The following DEPDC7 variants were observed in gnomAD, a reference collection of about 807,000 sequenced individuals.
DEPDC7 encodes DEP domain-containing protein 7.
A neutral mutation model predicts 56.6 loss-of-function variants in DEPDC7; 41 were observed. That is an observed-to-expected ratio of 0.72 (90% CI 0.56 to 0.94). The LOEUF (loss-of-function observed/expected upper bound fraction) is 0.94. DEPDC7 is among the 40% of genes least tolerant of loss of function. The pLI is 0.00. For missense variants in DEPDC7, 522 were observed against 596.3 expected (o/e 0.88, Z 1.30); for synonymous variants, 185 against 208.8 (o/e 0.89, Z 0.98).
intron 6 of DEPDC7, 38 bp downstream of exon 6, chr11:33,032,516 C>G: frequency 6.7e-7 from 1 of 1,503,270 alleles, no homozygotes; most frequent in South Asian, 1.3e-5. Context: ...TATTTAATAT[C>G]CTTAATACTT....
chr11:33,031,602 T>C lies in DEPDC7; in HGVS notation c.994+13T>C, dbSNP rs972439729. ...GCAGAACTCTTAGGTAAGTAAGATC[T>C]AACTGGATACTAGCATTTATCTTTT... On this transcript the variant is annotated intron_variant, in intron 5 of 8. Transcript: ENST00000241051. 10 of 1,590,992 alleles carry C rather than the reference T, an allele frequency of 6.3e-6. No homozygotes were observed. In the East Asian group the frequency reaches 1.6e-4, roughly 25 times the overall value.
In DEPDC7 at chr11:33,032,736, A is replaced by G; in HGVS notation, c.1206A>G (p.Lys402=). 1 of 1,608,728 alleles carries G rather than the reference A, an allele frequency of 6.2e-7. No homozygotes were observed. The highest frequency in any genetic ancestry group is 8.5e-7 in the Non-Finnish European group (1 of 1,177,994). ...KAIVDNKNLS[K]GKTDLLVLFL... ...TTGTTGACAATAAAAATTTATCCAAAGGCAAAACAGATCTTCTGGTACTCT... is the reference window on the plus strand; with the variant it reads ...TTGTTGACAATAAAAATTTATCCAAGGGCAAAACAGATCTTCTGGTACTCT... Residue 402 remains lysine (K), a synonymous_variant, in exon 7 of 9, where the codon AAA becomes AAG. Coordinates refer to ENST00000241051, the MANE Select transcript of DEPDC7 (RefSeq NM_001077242.2).
At chr11:33,031,688 G>A (rs1853635069) in intron 5 of DEPDC7, 99 bp downstream of exon 5, 4 of 915,700 alleles carry the variant, frequency 4.4e-6, no homozygotes, top group Admixed American at 2.3e-5. Flanking sequence ...TACAAGCTGG[G>A]AGTGGATCTG....
chr11:33,016,505 A>C (rs371138729), intron 1 of DEPDC7: 1 of 1,613,548 alleles, frequency 6.2e-7, no homozygotes, highest in African/African-American at 1.3e-5. Context: ...AGGAGTCAAG[A>C]GTCAGCTTGT....
At chr11:33,031,306 T>C in intron 4 of DEPDC7, 72 bp from the exon 5 acceptor site, 1 of 1,112,036 alleles carries the variant, frequency 9.0e-7, no homozygotes, top group South Asian at 1.3e-5. Flanking sequence ...GTACCATGTG[T>C]ATATTTGTTA....
intron 1 of DEPDC7, among the ~76,000 whole-genome samples, chr11:33,024,351 A>G (rs1853552825): frequency 1.3e-5 from 2 of 152,370 alleles, no homozygotes; most frequent in South Asian, 4.1e-4. Context: ...CGCGCATACA[A>G]AGTATTTAAC....
At chr11:33,023,785 T>C (rs913873950) in intron 1 of DEPDC7, among the ~76,000 whole-genome samples, 2 of 152,230 alleles carry the variant, frequency 1.3e-5, no homozygotes, top group Admixed American at 6.5e-5. Flanking sequence ...GCTTATCTTA[T>C]GCTTTCTTCA....
In DEPDC7 at chr11:33,033,398, G is replaced by T. The variant is rs367948856; in HGVS notation, c.1479G>T (p.Leu493Phe). 116 of 1,610,452 alleles carry T rather than the reference G, an allele frequency of 7.2e-5. No individual in the cohort carries two copies. Among genetic ancestry groups the T allele is most frequent in the Non-Finnish European group, 9.2e-5 (108 of 1,178,968 alleles). ...TTTCTGCCAAAGAGAAGAAAAAATTGCTAGGTCAATTCTATAAGTGTCACC... is the reference window on the plus strand; with the variant it reads ...TTTCTGCCAAAGAGAAGAAAAAATTTCTAGGTCAATTCTATAAGTGTCACC... ...SKLSAKEKKK[L>F]LGQFYKCHPD... Residue 493 changes from leucine (L) to phenylalanine (F), a missense_variant, in exon 9 of 9, where the codon TTG becomes TTT. By Grantham distance (22) the Leu-to-Phe change is conservative (BLOSUM62 0). Transcript: ENST00000241051.
At position 33,016,520 on chromosome 11, in the gene DEPDC7, C is replaced by G. The variant is rs780399175; in HGVS notation, c.73+492C>G. 1.9e-6 allele frequency: 3 copies of G among 1,614,000 alleles called. No homozygotes were observed. In the South Asian group the frequency reaches 3.3e-5, roughly 18 times the overall value. ...AGGAGTCAAGAGTCAGCTTGTCTCC[C>G]CAGACTCTTCCTGGGAGGGATGAGA... is the stretch of plus-strand genomic sequence containing the variant. On this transcript the variant is annotated intron_variant, in intron 1 of 8. Transcript: ENST00000241051.
intron 6 of DEPDC7, 22 bp downstream of exon 6, chr11:33,032,500 T>C (rs1021301030): frequency 2.6e-6 from 4 of 1,541,306 alleles, no homozygotes; most frequent in Admixed American, 2.4e-5. Context: ...GTTTAACTGT[T>C]AGTTGTATTT....
chr11:33,021,914 C>A (rs1853527986), intron 1 of DEPDC7, among the ~76,000 whole-genome samples: 1 of 152,178 alleles, frequency 6.6e-6, no homozygotes, highest in South Asian at 2.1e-4. Flanking sequence ...CTTAATTCTT[C>A]TGTGAAGATT....
rs756310520 is a variant in DEPDC7, at chr11:33,032,427, G to A, written c.1086G>A (p.Leu362=). Residue 362 remains leucine (L), a synonymous_variant, in exon 6 of 9, where the codon CTG becomes CTA. Transcript: ENST00000241051. ...FQNREEFRRL[L]YFMAVAANPS... is the part of the protein sequence containing the mutation. ...ATAGAGAAGAATTTAGAAGACTACT[G>A]TATTTCATGGCTGTTGCAGCAAATC... The A allele has an allele frequency of 5.1e-6, 8 of 1,576,708 alleles. No individual in the cohort carries two copies. The highest frequency in any genetic ancestry group is 6.8e-6 in the Non-Finnish European group (8 of 1,170,456).
chr11:33,025,699 A>G lies in DEPDC7; in HGVS notation c.114A>G (p.Val38=), dbSNP rs781533300. The change falls in exon 2 of 9, where the codon GTA becomes GTG. Residue 38 remains valine (V), a synonymous_variant. Transcript: ENST00000241051. Reference sequence around the variant, plus strand: ...AGAAGCCATTTGGAGCCACGTATGTATGGAGCAGCATCATAAACACTCTTC... The same window carrying G: ...AGAAGCCATTTGGAGCCACGTATGTGTGGAGCAGCATCATAAACACTCTTC... The part of the protein sequence containing the change: ...VAQKPFGATY[V]WSSIINTLQT... The G allele has an allele frequency of 6.2e-7, 1 of 1,613,448 alleles. No individual in the cohort carries two copies. The highest frequency in any genetic ancestry group is 1.7e-5 in the Admixed American group (1 of 60,020).
chr11:33,020,700 C>G (rs1853514887), intron 1 of DEPDC7, among the ~76,000 whole-genome samples: 1 of 152,126 alleles, frequency 6.6e-6, no homozygotes. Context: ...TGCAGTGGTG[C>G]GATCCTAGCC....
chr11:33,029,540 C>T lies in DEPDC7; in HGVS notation c.782+748C>T, dbSNP rs1425206011. ...AAGTAACTCTCTCATTCCAGTTACTCCTCTCTTGAATATAAATCCTAAGGT... is the reference window on the plus strand; with the variant it reads ...AAGTAACTCTCTCATTCCAGTTACTTCTCTCTTGAATATAAATCCTAAGGT... On this transcript the variant is annotated intron_variant, in intron 4 of 8. Transcript: ENST00000241051. Among the ~76,000 whole-genome samples, 8 of 151,000 alleles carry T rather than the reference C, an allele frequency of 5.3e-5. 1 individual carries two copies. In the East Asian group the frequency reaches 1.6e-3, roughly 29 times the overall value.
At chr11:33,021,121 C>T (rs923246950) in intron 1 of DEPDC7, among the ~76,000 whole-genome samples, 3 of 152,000 alleles carry the variant, frequency 2.0e-5, no homozygotes, top group East Asian at 1.9e-4. Flanking sequence ...CGTGGTGGCG[C>T]GTGCCTGTAA....
At chr11:33,028,866 T>G in intron 4 of DEPDC7, 74 bp downstream of exon 4, 11 of 1,174,286 alleles carry the variant, frequency 9.4e-6, no homozygotes, top group Non-Finnish European at 1.3e-5. Context: ...GGTAATCTGT[T>G]CTATTCTTTT....
At chr11:33,021,092 C>CAA (rs200238887) in intron 1 of DEPDC7, among the ~76,000 whole-genome samples, 41 of 150,500 alleles carry the variant, frequency 2.7e-4, no homozygotes, top group Non-Finnish European at 1.8e-4. Flanking sequence ...ACTAAAAATA[C>CAA]AAAAAAAAAT....
At chr11:33,026,114 T>G in intron 2 of DEPDC7, 65 bp downstream of exon 2, 1 of 1,549,776 alleles carries the variant, frequency 6.5e-7, no homozygotes, top group Non-Finnish European at 8.9e-7. Context: ...TTTTATGAGA[T>G]GCCTACTGGC....
Sources: gnomAD v4.1 joint callset for allele counts (sites outside exome capture counted in the v4.1 genomes callset) on GRCh38, gnomAD v4.1.1 for gene constraint, MANE v1.5 for transcripts, NCBI Gene and HGNC (gene_info 2026-07-23, HGNC 2026-07-21) for gene names.